Variants in CYTH3 observed in about 807,000 individuals in gnomAD.
The protein encoded by CYTH3 is cytohesin-3.
In CYTH3, 23 loss-of-function variants were observed where a neutral mutation model predicts 55.1. The observed-to-expected ratio is 0.42, with a 90% CI of 0.30 to 0.59. The LOEUF is 0.59. Among genes scored for constraint, CYTH3 ranks in the 20% least tolerant of loss-of-function variants. CYTH3 has a pLI of 0.20. For synonymous variants in CYTH3, 249 were observed against 194.9 expected, an observed-to-expected ratio of 1.28 and a Z score of -2.31; for missense variants, 413 against 524.8, an observed-to-expected ratio of 0.79 and a Z score of 2.08.
chr7:6,235,543 A>T lies in CYTH3; in HGVS notation c.34+36931T>A, dbSNP rs547449570. 4.0e-5 allele frequency among the ~76,000 whole-genome samples: 6 copies of T among 151,716 alleles called. No individual in the cohort carries two copies. The South Asian group carries it at 1.3e-3, about 32-fold the overall frequency. On this transcript the variant is annotated intron_variant, in intron 1 of 12. Transcript: ENST00000350796. ...CCACATCTCAGCCAGTTATTTCCAC[A>T]GCATCCTCACGAAGCTCCCTAAGAG...
chr7:6,230,918 A>G (rs1779377899), intron 1 of CYTH3, among the ~76,000 whole-genome samples: 1 of 152,204 alleles, frequency 6.6e-6, no homozygotes, highest in Non-Finnish European at 1.5e-5. Context: ...CAATCTCAGG[A>G]AAAAAGTCAA....
rs192959990 is a variant in CYTH3 at position 6,251,191 on chromosome 7, C to T, written c.34+21283G>A. 1.1e-4 allele frequency among the ~76,000 whole-genome samples: 16 copies of T among 152,192 alleles called. No individual in the cohort carries two copies. In the South Asian group the frequency reaches 2.7e-3, roughly 26 times the overall value. On this transcript the variant is annotated intron_variant, in intron 1 of 12. Coordinates refer to ENST00000350796, the MANE Select transcript of CYTH3 (RefSeq NM_004227.4). ...TTCAGAAGTTGAAGCAGGAGAATCG[C>T]GTGAATCCAGGTGGCGGAGGTTGCA...
intron 1 of CYTH3, among the ~76,000 whole-genome samples, chr7:6,241,006 C>G (rs1248914407): frequency 6.6e-6 from 1 of 151,840 alleles, no homozygotes; most frequent in Non-Finnish European, 1.5e-5. Context: ...CCTGTAATCC[C>G]AGTGACTCAG....
intron 1 of CYTH3, among the ~76,000 whole-genome samples, chr7:6,252,702 G>C (rs931726368): frequency 6.6e-6 from 1 of 152,112 alleles, no homozygotes; most frequent in Non-Finnish European, 1.5e-5. Context: ...AAGTGTTGAG[G>C]GAGGGAAGAA....
intron 1 of CYTH3, among the ~76,000 whole-genome samples, chr7:6,219,003 C>CAAAA (rs35386425): frequency 2.6e-4 from 19 of 74,296 alleles, no homozygotes; most frequent in Middle Eastern, 7.8e-3. Context: ...GACTCCGTCT[C>CAAAA]AAAAAAAAAA....
Position 6,167,568 on chromosome 7 carries a change from T to G in CYTH3, c.824-1758A>C, listed in dbSNP as rs1783049866. Among the ~76,000 whole-genome samples, 1 of 152,244 alleles carries G rather than the reference T, an allele frequency of 6.6e-6. No individual in the cohort carries two copies. The highest frequency in any genetic ancestry group is 1.9e-4 in the East Asian group (1 of 5,188). On this transcript the variant is annotated intron_variant, in intron 9 of 12. Transcript: ENST00000350796. This position sits in a 1 kb window ranked among gnomAD's most constrained non-coding sequence, Gnocchi z 5.5. ...GGCCAAAGGCATCTTTTCAAAAACG[T>G]GGCAATCATGCCCCTCCGGCTTGAA...
rs889168384 is a variant in CYTH3 at position 6,272,549 on chromosome 7, C to T, written c.-42G>A. ...CAGCCGGCGAGCCGGGGGCCGGCAGCAGAGGGGCCGCGGGCTGGGGACGCC... is the reference window on the plus strand; with the variant it reads ...CAGCCGGCGAGCCGGGGGCCGGCAGTAGAGGGGCCGCGGGCTGGGGACGCC... On this transcript the variant is annotated 5_prime_UTR_variant, in exon 1 of 13. Coordinates refer to ENST00000350796, the MANE Select transcript of CYTH3 (RefSeq NM_004227.4). 8.6e-6 allele frequency: 11 copies of T among 1,281,892 alleles called. No individual in the cohort carries two copies. Among genetic ancestry groups the T allele is most frequent in the African/African-American group, 1.6e-5 (1 of 63,558 alleles). 79.4% of individuals were successfully genotyped at this position (1,281,892 alleles called of 1,614,324 possible).
chr7:6,257,109 T>A (rs569953191), intron 1 of CYTH3, among the ~76,000 whole-genome samples: 196 of 151,810 alleles, frequency 1.3e-3, no homozygotes, highest in Non-Finnish European at 1.7e-3. Context: ...AACGTGAAGA[T>A]TTTTTTTTAC....
chr7:6,177,403 C>A (rs2128540169), intron 5 of CYTH3, among the ~76,000 whole-genome samples: 1 of 152,352 alleles, frequency 6.6e-6, no homozygotes, highest in Non-Finnish European at 1.5e-5. Flanking sequence ...ATCTGACCTG[C>A]TGCTTTCCAT....
At chr7:6,270,890 A>G (rs1414745082) in intron 1 of CYTH3, among the ~76,000 whole-genome samples, 3 of 152,130 alleles carry the variant, frequency 2.0e-5, no homozygotes, top group African/African-American at 7.2e-5. Context: ...TTCCTGCTTT[A>G]ATCTTCAAGT....
At chr7:6,202,142 G>A (rs562111742) in intron 1 of CYTH3, among the ~76,000 whole-genome samples, 4 of 152,276 alleles carry the variant, frequency 2.6e-5, no homozygotes, top group African/African-American at 9.6e-5. Flanking sequence ...CAGTGGGCAG[G>A]GCCCAGCACC....
chr7:6,200,041 A>G (rs1283591070), intron 1 of CYTH3, among the ~76,000 whole-genome samples: 1 of 152,244 alleles, frequency 6.6e-6, no homozygotes, highest in South Asian at 2.1e-4. Flanking sequence ...CTAAGAGCCC[A>G]TCAATTGTAA....
At position 6,161,822 on chromosome 7, in the gene CYTH3, G is replaced by C. The variant is rs750388763; in HGVS notation, c.*3122C>G. The C allele has an allele frequency of 6.6e-6, 1 of 152,506 alleles. No homozygotes were observed. The highest frequency in any genetic ancestry group is 1.5e-5 in the Non-Finnish European group (1 of 68,046). The allele number at this position is 152,506 out of a possible 1,614,324, so 9.4% of individuals were successfully genotyped here. On this transcript the variant is annotated 3_prime_UTR_variant, in exon 13 of 13. Coordinates refer to ENST00000350796, the MANE Select transcript of CYTH3 (RefSeq NM_004227.4). ...TTTTTATTTAGTGAACACAGTATCTGCAAGAGCTCTGACAGCCATCCACCC... is the reference window on the plus strand; with the variant it reads ...TTTTTATTTAGTGAACACAGTATCTCCAAGAGCTCTGACAGCCATCCACCC...
intron 1 of CYTH3, among the ~76,000 whole-genome samples, chr7:6,224,579 G>T (rs909276562): frequency 6.6e-6 from 1 of 152,236 alleles, no homozygotes; most frequent in Non-Finnish European, 1.5e-5. Flanking sequence ...TGGCAAGGAT[G>T]TAAGGAAATT....
Position 6,234,494 on chromosome 7 carries a change from A to C in CYTH3, c.34+37980T>G, listed in dbSNP as rs200849531. Among the ~76,000 whole-genome samples the C allele has an allele frequency of 8.5e-5, 13 of 152,356 alleles. No homozygotes were observed. In the East Asian group the frequency reaches 2.5e-3, roughly 29 times the overall value. On this transcript the variant is annotated intron_variant, in intron 1 of 12. Transcript: ENST00000350796. Reference sequence around the variant, plus strand: ...GATGTCCCCAACTGAGGTTTGCTGCAGGCAAGAACATCAAAAGCCCCATAG... The same window carrying C: ...GATGTCCCCAACTGAGGTTTGCTGCCGGCAAGAACATCAAAAGCCCCATAG...
rs373089751 is a variant in CYTH3, at chr7:6,236,851, C to A, written c.34+35623G>T. On this transcript the variant is annotated intron_variant, in intron 1 of 12. Coordinates refer to ENST00000350796, the MANE Select transcript of CYTH3 (RefSeq NM_004227.4). ...GTGCTGCGATTACAGGCGTGAGCCA[C>A]TGCGCCCGGCCAAGTCTCCATTTTT... 1.0e-4 allele frequency among the ~76,000 whole-genome samples: 16 copies of A among 152,390 alleles called. No individual in the cohort carries two copies. In the East Asian group the frequency reaches 2.7e-3, roughly 26 times the overall value.
chr7:6,173,585 C>A (rs1211425571), intron 6 of CYTH3, 68 bp downstream of exon 6: 1 of 1,024,370 alleles, frequency 9.8e-7, no homozygotes, highest in African/African-American at 1.6e-5. Context: ...TTCACCGCCA[C>A]TGCTGCCCAG....
intron 1 of CYTH3, among the ~76,000 whole-genome samples, chr7:6,206,897 G>GA (rs1784201218): frequency 1.3e-5 from 2 of 152,014 alleles, no homozygotes; most frequent in Non-Finnish European, 1.5e-5. Context: ...GACAACGGGG[G>GA]AGACGATTTT....
intron 1 of CYTH3, among the ~76,000 whole-genome samples, chr7:6,252,435 C>A (rs1350408950): frequency 6.6e-6 from 1 of 152,150 alleles, no homozygotes; most frequent in African/African-American, 2.4e-5. Context: ...CTAGACTAGT[C>A]ACGAACAAAA....
Sources: gnomAD v4.1 joint callset for allele counts (sites outside exome capture counted in the v4.1 genomes callset) on GRCh38, gnomAD v4.1.1 for gene constraint, Gnocchi (gnomAD v3.1) non-coding constraint, MANE v1.5 for transcripts, NCBI Gene and HGNC (gene_info 2026-07-23, HGNC 2026-07-21) for gene names.